Variants in TRIM3 observed in about 807,000 individuals in gnomAD.
TRIM3 encodes tripartite motif containing 3, also known as tripartite motif-containing protein 3.
Under a neutral mutation model 66.6 loss-of-function variants are expected in TRIM3, and 13 were observed. The ratio of observed to expected loss-of-function variants is 0.20; its 90% CI spans 0.13 to 0.31. The LOEUF is 0.31. Among genes scored for constraint, TRIM3 ranks in the 10% least tolerant of loss-of-function variants. The pLI, the probability that TRIM3 is intolerant of heterozygous loss-of-function variation, is 1.00. For synonymous variants in TRIM3, 406 were observed against 411.7 expected, an observed-to-expected ratio of 0.99 and a Z score of 0.17; for missense variants, 711 against 1,020.4, an observed-to-expected ratio of 0.70 and a Z score of 4.13.
In TRIM3 at chr11:6,456,214, T is replaced by A. The variant is rs1849960043; in HGVS notation, c.1430-39A>T. 1 of 1,610,674 alleles carries A rather than the reference T, an allele frequency of 6.2e-7. No individual in the cohort carries two copies. The highest frequency in any genetic ancestry group is 8.5e-7 in the Non-Finnish European group (1 of 1,177,484). On this transcript the variant is annotated intron_variant, in intron 6 of 11. Transcript: ENST00000345851. The surrounding 1 kb of genome is among the most constrained non-coding windows in gnomAD (Gnocchi z 6.4). ...CAGGAGGGAAAACAAAATAATTCAT[T>A]CAGAGGTCATCTTGAACCTCCCTTC...
Sources: gnomAD v4.1 joint callset for allele counts on GRCh38, gnomAD v4.1.1 for gene constraint, Gnocchi (gnomAD v3.1) non-coding constraint, MANE v1.5 for transcripts, NCBI Gene and HGNC (gene_info 2026-07-23, HGNC 2026-07-21) for gene names.